TP73: variants seen among roughly 807,000 people sequenced by gnomAD.
TP73 encodes p53-like transcription factor.
In TP73, 25 loss-of-function variants were observed where a neutral mutation model predicts 62.5. That is an observed-to-expected ratio of 0.40 (90% CI 0.29 to 0.56). The LOEUF (loss-of-function observed/expected upper bound fraction) is 0.56. TP73 is among the 20% of genes least tolerant of loss of function. The probability of loss-of-function intolerance (pLI) is 0.46; values close to 1 mark genes in which losing one functional copy is unlikely to be tolerated. For missense variants in TP73, 754 were observed against 913.3 expected, an observed-to-expected ratio of 0.83 and a Z score of 2.25; for synonymous variants, 423 against 377.5, an observed-to-expected ratio of 1.12 and a Z score of -1.40.
At position 3,663,198 on chromosome 1, in the gene TP73, G is replaced by A. The variant is rs897622992; in HGVS notation, c.-34+10557G>A. Among the ~76,000 whole-genome samples, 3 of 152,082 alleles carry A rather than the reference G, an allele frequency of 2.0e-5. No individual in the cohort carries two copies. Among genetic ancestry groups the A allele is most frequent in the Admixed American group, 6.5e-5 (1 of 15,274 alleles). On this transcript the variant is annotated intron_variant, in intron 1 of 13. Coordinates refer to ENST00000378295, the MANE Select transcript of TP73 (RefSeq NM_005427.4). This position sits in a 1 kb window ranked among gnomAD's most constrained non-coding sequence, Gnocchi z 4.7. Reference sequence around the variant, plus strand: ...TCTTCTTCACGAGGCTGGTGGCTGCGGCACCTACAAAGACAGGTTAACAAG... The same window carrying A: ...TCTTCTTCACGAGGCTGGTGGCTGCAGCACCTACAAAGACAGGTTAACAAG...
rs1427548452 is a variant in TP73, at chr1:3,663,998, C to T, written c.-34+11357C>T. Among the ~76,000 whole-genome samples, 1 of 152,220 alleles carries T rather than the reference C, an allele frequency of 6.6e-6. No individual in the cohort carries two copies. Among genetic ancestry groups the T allele is most frequent in the Non-Finnish European group, 1.5e-5 (1 of 68,040 alleles). ...GGCCGGCCCCCCTCCCTCCATGCCA[C>T]AGGCTCTCTGGAGAGGCCACTGCTG... On this transcript the variant is annotated intron_variant, in intron 1 of 13. Transcript: ENST00000378295. The surrounding 1 kb of genome is among the most constrained non-coding windows in gnomAD (Gnocchi z 4.7).
In TP73 at chr1:3,735,881, A is replaced by C. The variant is rs1401941298; in HGVS notation, c.*2802A>C. The C allele has an allele frequency of 1.3e-5, 2 of 152,204 alleles. No homozygotes were observed. Among genetic ancestry groups the C allele is most frequent in the Non-Finnish European group, 2.9e-5 (2 of 68,046 alleles). The allele number at this position is 152,204 out of a possible 1,614,324, so 9.4% of individuals were successfully genotyped here. On this transcript the variant is annotated 3_prime_UTR_variant, in exon 14 of 14. Transcript: ENST00000378295. Reference sequence around the variant, plus strand: ...TCCCACCAGGCCTGGGCTGCTGGGAAGCCCTTGCTGTACCCAGGAGCCCGA... The same window carrying C: ...TCCCACCAGGCCTGGGCTGCTGGGACGCCCTTGCTGTACCCAGGAGCCCGA...
At position 3,666,449 on chromosome 1, in the gene TP73, T is replaced by C. The variant is rs1557487858; in HGVS notation, c.-34+13808T>C. 6.6e-6 allele frequency among the ~76,000 whole-genome samples: 1 copy of C among 152,242 alleles called. No homozygotes were observed. On this transcript the variant is annotated intron_variant, in intron 1 of 13. Coordinates refer to ENST00000378295, the MANE Select transcript of TP73 (RefSeq NM_005427.4). The surrounding 1 kb of genome is among the most constrained non-coding windows in gnomAD (Gnocchi z 6.4). Reference sequence around the variant, plus strand: ...GTAATTATGGGTCATATTGACAGTTTCACTTCTGCGGCATGCCCTCAGGAA... The same window carrying C: ...GTAATTATGGGTCATATTGACAGTTCCACTTCTGCGGCATGCCCTCAGGAA...
At chr1:3,726,292 A>G (rs12058847) in intron 6 of TP73, among the ~76,000 whole-genome samples, 8,696 of 18,866 alleles carry the variant, frequency 0.46, 1,653 homozygotes, top group Middle Eastern at 0.75. Context: ...GGGTGGGTGG[A>G]TGGATGGATG....
intron 1 of TP73, among the ~76,000 whole-genome samples, chr1:3,653,491 G>A (rs908056577): frequency 1.3e-5 from 2 of 152,196 alleles, no homozygotes; most frequent in African/African-American, 4.8e-5. Context: ...CATAAACAGG[G>A]GACAGATAGA....
chr1:3,681,017 C>G (rs937757654), intron 1 of TP73, among the ~76,000 whole-genome samples: 1 of 152,262 alleles, frequency 6.6e-6, no homozygotes, highest in East Asian at 1.9e-4. Context: ...GGAGCGGTCA[C>G]GCCCACCTGG....
Position 3,722,080 on chromosome 1 carries a change from C to G in TP73, c.489C>G (p.Ile163Met). Residue 163 changes from isoleucine to methionine, a missense_variant, in exon 5 of 14, where the codon ATC (isoleucine) becomes ATG (methionine). By Grantham distance (10) the Ile-to-Met change is conservative. This residue lies in a region of TP73 where 235 missense variants were observed against 251.4 expected (regional missense o/e 0.93). Transcript: ENST00000378295. ...TCGCCAAGACATGCCCCATCCAGAT[C>G]AAGGTGTCCACCCCGCCACCCCCAG... ...CQIAKTCPIQIKVSTPPPPGT... is the reference protein window; with the variant it reads ...CQIAKTCPIQMKVSTPPPPGT... The G allele has an allele frequency of 6.2e-7, 1 of 1,613,040 alleles. No homozygotes were observed. The highest frequency in any genetic ancestry group is 1.3e-5 in the African/African-American group (1 of 75,052).
chr1:3,724,265 C>T (rs962864251), intron 6 of TP73, among the ~76,000 whole-genome samples: 4 of 152,032 alleles, frequency 2.6e-5, no homozygotes, highest in African/African-American at 9.7e-5. Flanking sequence ...GTACCAGGCC[C>T]CCAGGGGAAG....
intron 4 of TP73, 65 bp downstream of exon 4, chr1:3,707,856 G>A (rs759742018): frequency 2.4e-5 from 38 of 1,555,058 alleles, no homozygotes; most frequent in Middle Eastern, 3.4e-4. Context: ...AGGTGGCTGC[G>A]TTCCCCGCAC....
At position 3,727,733 on chromosome 1, in the gene TP73, C is replaced by G. The variant is rs1303427518; in HGVS notation, c.948C>G (p.Asn316Lys). The G allele has an allele frequency of 1.3e-6, 2 of 1,557,492 alleles. No homozygotes were observed. The highest frequency in any genetic ancestry group is 1.7e-6 in the Non-Finnish European group (2 of 1,151,988). ...EDHYREQQALNESSAKNGAAS... is the reference protein window; with the variant it reads ...EDHYREQQALKESSAKNGAAS... ...ACTACCGGGAGCAGCAGGCCCTGAA[C>G]GAGAGCTCCGCCAAGAACGGGGCCG... The change falls in exon 8 of 14, where the codon AAC (asparagine) becomes AAG (lysine). Residue 316 changes from asparagine to lysine, a missense_variant. Asn to Lys is a moderately conservative substitution (Grantham distance 94, BLOSUM62 0). Around this residue, in one of 3 missense-constraint regions of TP73, gnomAD observed 458 missense variants for 528.7 expected, o/e 0.87. Transcript: ENST00000378295.
intron 4 of TP73, among the ~76,000 whole-genome samples, chr1:3,713,381 G>A (rs899970524): frequency 2.6e-5 from 4 of 152,212 alleles, no homozygotes; most frequent in African/African-American, 9.6e-5. Context: ...CGTTGACAGG[G>A]GGAAAGAGAG....
At chr1:3,677,688 C>T (rs61762233) in intron 1 of TP73, among the ~76,000 whole-genome samples, 1 of 138,992 alleles carries the variant, frequency 7.2e-6, no homozygotes, top group Admixed American at 7.2e-5. Context: ...TTCCTTCCTT[C>T]CCTTTTTTTT....
At chr1:3,727,354 G>A in intron 7 of TP73, 130 bp downstream of exon 7, 2 of 1,055,224 alleles carry the variant, frequency 1.9e-6, no homozygotes, top group Admixed American at 2.5e-5. Context: ...TGTGCTGCTG[G>A]AGGAAGGAAC....
chr1:3,717,851 G>A (rs1031443778), intron 4 of TP73, among the ~76,000 whole-genome samples: 2 of 152,210 alleles, frequency 1.3e-5, no homozygotes, highest in African/African-American at 2.4e-5. Flanking sequence ...ACCCAGCTCC[G>A]GCCCGGCTGG....
At position 3,652,937 on chromosome 1, in the gene TP73, C is replaced by T. The variant is rs543657012; in HGVS notation, c.-34+296C>T. Among the ~76,000 whole-genome samples the T allele has an allele frequency of 7.2e-5, 11 of 152,302 alleles. No individual in the cohort carries two copies. In the South Asian group the frequency reaches 2.1e-3, roughly 29 times the overall value. On this transcript the variant is annotated intron_variant, in intron 1 of 13. Coordinates refer to ENST00000378295, the MANE Select transcript of TP73 (RefSeq NM_005427.4). ...GCCCCGCAGGGGTTCCGGGAGGGCC[C>T]TCCTCCTGCTGTCCCCTCTCCACCC... is the stretch of plus-strand genomic sequence containing the variant.
At position 3,734,218 on chromosome 1, in the gene TP73, G is replaced by A. The variant is rs1437096703; in HGVS notation, c.*1139G>A. The A allele has an allele frequency of 6.6e-6, 1 of 152,400 alleles. No individual in the cohort carries two copies. Among genetic ancestry groups the A allele is most frequent in the Non-Finnish European group, 1.5e-5 (1 of 68,208 alleles). 9.4% of individuals were successfully genotyped at this position (152,400 alleles called of 1,614,324 possible). A position where few individuals can be genotyped will look rare whatever the true frequency, so the allele number is the denominator to read the frequency against. On this transcript the variant is annotated 3_prime_UTR_variant, in exon 14 of 14. Transcript: ENST00000378295. The surrounding 1 kb of genome is among the most constrained non-coding windows in gnomAD (Gnocchi z 4.4). Reference sequence around the variant, plus strand: ...CGGTGGCAGTCAGGGAACAGACTGAGGTAGGTGTAGGGGGGTCTAGGCCTT... The same window carrying A: ...CGGTGGCAGTCAGGGAACAGACTGAAGTAGGTGTAGGGGGGTCTAGGCCTT...
intron 3 of TP73, among the ~76,000 whole-genome samples, chr1:3,703,564 C>T (rs1018846334): frequency 6.6e-6 from 1 of 152,272 alleles, no homozygotes; most frequent in Non-Finnish European, 1.5e-5. Context: ...ATCCTATCAG[C>T]TCTTCTCCTC....
chr1:3,695,259 C>G (rs1638530993), intron 3 of TP73, among the ~76,000 whole-genome samples: 2 of 152,222 alleles, frequency 1.3e-5, no homozygotes, highest in South Asian at 4.1e-4. Flanking sequence ...TCTACCAACA[C>G]CCAGGAGTCT....
intron 6 of TP73, among the ~76,000 whole-genome samples, chr1:3,725,760 TGGGGTGGG>T (rs1641480902): frequency 2.6e-5 from 1 of 38,698 alleles, no homozygotes; most frequent in Non-Finnish European, 4.8e-5. Flanking sequence ...GATGGATGGA[TGGGGTGGG>T]GGGGTGGATG....
Sources: allele counts gnomAD v4.1 joint callset (sites outside exome capture counted in the v4.1 genomes callset), GRCh38; gene constraint gnomAD v4.1.1; regional missense constraint gnomAD v4.1.1; non-coding constraint Gnocchi (gnomAD v3.1); transcripts MANE v1.5; gene names NCBI Gene and HGNC (gene_info 2026-07-23, HGNC 2026-07-21).